Variants in PMM2 observed in about 807,000 individuals in gnomAD.
The protein encoded by PMM2 is phosphomannomutase 2, also known as mannose-6-phosphate isomerase.
In PMM2, 35 loss-of-function variants were observed where a neutral mutation model predicts 33.2. The ratio of observed to expected loss-of-function variants is 1.06; its 90% CI spans 0.81 to 1.40. PMM2 has a LOEUF of 1.40. Ranked by LOEUF, PMM2 falls within the 40% of genes most tolerant of loss-of-function variation. The pLI is 0.00. For synonymous variants in PMM2, 153 were observed against 114.7 expected (o/e 1.33, Z -2.13); for missense variants, 386 against 306.0 (o/e 1.26, Z -1.95).
intron 7 of PMM2, among the ~76,000 whole-genome samples, chr16:8,825,394 C>T (rs1030615975): frequency 2.0e-5 from 3 of 151,954 alleles, no homozygotes; most frequent in Admixed American, 6.6e-5. Flanking sequence ...GGCATGATCT[C>T]GGCTCACTGC....
At chr16:8,830,657 A>G (rs1170506725) in intron 7 of PMM2, among the ~76,000 whole-genome samples, 1 of 152,218 alleles carries the variant, frequency 6.6e-6, no homozygotes, top group East Asian at 1.9e-4. Flanking sequence ...CACTGATCTT[A>G]GGATTTACAA....
At chr16:8,836,333 G>A (rs542140136) in intron 7 of PMM2, among the ~76,000 whole-genome samples, 1 of 152,210 alleles carries the variant, frequency 6.6e-6, no homozygotes, top group East Asian at 1.9e-4. Context: ...TTGGGCCAGA[G>A]TTCCAGGGGC....
chr16:8,809,393 A>G (rs1410648378), intron 4 of PMM2: 1 of 152,228 alleles, frequency 6.6e-6, no homozygotes, highest in East Asian at 1.9e-4. Flanking sequence ...TCTAGCTTAC[A>G]AGTTATCTGA....
At chr16:8,839,168 G>C (rs2060872891) in intron 7 of PMM2, among the ~76,000 whole-genome samples, 1 of 152,020 alleles carries the variant, frequency 6.6e-6, no homozygotes, top group African/African-American at 2.4e-5. Context: ...TGTTGTGTCG[G>C]TGTCATGAGG....
At chr16:8,829,859 CAGAA>C (rs901688622) in intron 7 of PMM2, among the ~76,000 whole-genome samples, 6 of 152,230 alleles carry the variant, frequency 3.9e-5, no homozygotes, top group African/African-American at 1.4e-4. Context: ...AAACACCTTC[CAGAA>C]AGAGTTTCCA....
At chr16:8,831,234 G>T (rs2060807991) in intron 7 of PMM2, among the ~76,000 whole-genome samples, 1 of 152,252 alleles carries the variant, frequency 6.6e-6, no homozygotes, top group Non-Finnish European at 1.5e-5. Flanking sequence ...TTGGAGGTTA[G>T]AAGCAAGATG....
chr16:8,808,964 C>T (rs1258447375), intron 4 of PMM2: 3 of 152,214 alleles, frequency 2.0e-5, no homozygotes, highest in Admixed American at 6.5e-5. Context: ...AGGATCCAGA[C>T]GATTGAGATT....
chr16:8,801,769 GA>G, intron 1 of PMM2, 29 bp from the exon 2 acceptor site: 1 of 1,328,796 alleles, frequency 7.5e-7, no homozygotes, highest in Non-Finnish European at 1.1e-6. Flanking sequence ...TGTGGCTTAT[GA>G]CTGTTGTATT....
At chr16:8,832,112 G>T in intron 7 of PMM2, 3 of 984,578 alleles carry the variant, frequency 3.0e-6, no homozygotes, top group Non-Finnish European at 3.6e-6. Flanking sequence ...CGCTTCACTT[G>T]CTTTGCAGCT....
In PMM2 at chr16:8,811,677, A is replaced by C. The variant is rs138383066; in HGVS notation, c.487A>C (p.Lys163Gln). 11 of 1,613,334 alleles carry C rather than the reference A, an allele frequency of 6.8e-6. No homozygotes were observed. The African/African-American group carries it at 1.2e-4, about 18-fold the overall frequency. The change falls in exon 6 of 8, where the codon AAA becomes CAA. Residue 163 changes from lysine (K) to glutamine (Q), a missense_variant. Transcript: ENST00000268261. Reference protein sequence around the residue: ...IRQKFVADLRKEFAGKGLTFS... With the variant: ...IRQKFVADLRQEFAGKGLTFS... ...ACAAAAGTTTGTAGCAGATCTACGG[A>C]AAGAGTTTGCTGGAAAAGGCCTCAC...
At position 8,797,995 on chromosome 16, in the gene PMM2, C is replaced by T. The variant is rs759704131; in HGVS notation, c.66+47C>T. 9.0e-6 allele frequency: 14 copies of T among 1,551,738 alleles called. No individual in the cohort carries two copies. In the East Asian group the frequency reaches 2.8e-4, roughly 31 times the overall value. ...GCTGGCAGCCGACGCGGAGCCCGTG[C>T]TGTTCCCAGTTGGGGCTATCGACCA... is the stretch of plus-strand genomic sequence containing the variant. On this transcript the variant is annotated intron_variant, in intron 1 of 7. Coordinates refer to ENST00000268261, the MANE Select transcript of PMM2 (RefSeq NM_000303.3).
At chr16:8,834,368 T>C (rs58219107) in intron 7 of PMM2, among the ~76,000 whole-genome samples, 1,624 of 129,182 alleles carry the variant, frequency 0.013, 1 homozygote, top group South Asian at 0.036. Context: ...GTTATCAGAC[T>C]GTATAGAGGT....
intron 7 of PMM2, among the ~76,000 whole-genome samples, chr16:8,830,424 G>T (rs2060803005): frequency 6.6e-6 from 1 of 152,226 alleles, no homozygotes; most frequent in African/African-American, 2.4e-5. Context: ...CAGTCTCCAA[G>T]AATTTGGGGA....
chr16:8,825,651 A>G (rs949189024), intron 7 of PMM2, among the ~76,000 whole-genome samples: 4 of 152,168 alleles, frequency 2.6e-5, no homozygotes, highest in African/African-American at 9.7e-5. Flanking sequence ...TTTACAAACA[A>G]ATGTATCCGA....
intron 7 of PMM2, among the ~76,000 whole-genome samples, chr16:8,838,350 G>A (rs915194474): frequency 1.3e-5 from 2 of 152,008 alleles, no homozygotes; most frequent in South Asian, 2.1e-4. Flanking sequence ...GGATGTATAC[G>A]TGCAAGTCAT....
At chr16:8,826,261 CT>C (rs1437305534) in intron 7 of PMM2, among the ~76,000 whole-genome samples, 1 of 152,150 alleles carries the variant, frequency 6.6e-6, no homozygotes, top group Non-Finnish European at 1.5e-5. Context: ...CAAAAATAAT[CT>C]TTAAACTCTC....
chr16:8,839,670 G>C (rs1203326146), intron 7 of PMM2, among the ~76,000 whole-genome samples: 4 of 151,964 alleles, frequency 2.6e-5, no homozygotes, highest in Admixed American at 6.6e-5. Context: ...AGTATTGATA[G>C]CGGGCTTGTC....
chr16:8,814,173 A>G (rs1469681336), intron 7 of PMM2, among the ~76,000 whole-genome samples: 1 of 151,976 alleles, frequency 6.6e-6, no homozygotes, highest in East Asian at 1.9e-4. Flanking sequence ...ACAGGGTTTC[A>G]TCATGTTGGC....
At chr16:8,814,119 G>A (rs990516552) in intron 7 of PMM2, among the ~76,000 whole-genome samples, 1 of 151,906 alleles carries the variant, frequency 6.6e-6, no homozygotes, top group Non-Finnish European at 1.5e-5. Context: ...CAATCAACTC[G>A]GCCGCTCAAA....
Sources: gnomAD v4.1 joint callset for allele counts (sites outside exome capture counted in the v4.1 genomes callset) on GRCh38, gnomAD v4.1.1 for gene constraint, MANE v1.5 for transcripts, NCBI Gene and HGNC (gene_info 2026-07-23, HGNC 2026-07-21) for gene names.